Variants in FRMD4A observed in about 807,000 individuals in gnomAD.
The protein encoded by FRMD4A is FERM domain containing 4A, also known as FERM domain-containing protein 4A.
Under a neutral mutation model 129.1 loss-of-function variants are expected in FRMD4A, and 29 were observed. The ratio of observed to expected loss-of-function variants is 0.22; its 90% CI spans 0.17 to 0.31. The LOEUF (loss-of-function observed/expected upper bound fraction) is 0.31. FRMD4A is among the 10% of genes least tolerant of loss of function. FRMD4A has a pLI of 1.00. For synonymous variants in FRMD4A, 634 were observed against 571.6 expected (o/e 1.11, Z -1.56); for missense variants, 1,272 against 1,375.8 (o/e 0.92, Z 1.19).
At chr10:14,139,776 T>A (rs1246661187) in intron 2 of FRMD4A, among the ~76,000 whole-genome samples, 1 of 152,182 alleles carries the variant, frequency 6.6e-6, no homozygotes, top group Non-Finnish European at 1.5e-5. Context: ...AGACATATTG[T>A]TACTCTTGGG....
intron 2 of FRMD4A, among the ~76,000 whole-genome samples, chr10:13,919,966 A>G (rs1289470150): frequency 6.6e-6 from 1 of 152,054 alleles, no homozygotes; most frequent in Non-Finnish European, 1.5e-5. Flanking sequence ...CAAACACACA[A>G]ACAAACTAAC....
intron 2 of FRMD4A, among the ~76,000 whole-genome samples, chr10:14,013,946 C>A (rs977565115): frequency 2.6e-5 from 4 of 152,154 alleles, no homozygotes. Context: ...CAAAAACAAA[C>A]AAACAAAAAA....
At position 13,700,038 on chromosome 10, in the gene FRMD4A, G is replaced by C. The variant is rs544627778; in HGVS notation, c.975+1302C>G. On this transcript the variant is annotated intron_variant, in intron 14 of 24. Transcript: ENST00000357447. ...TTACAAAGGATAAAATGACGGCTGC[G>C]GGGGACAGACCCCAATTTAAAACTG... 3.9e-5 allele frequency among the ~76,000 whole-genome samples: 6 copies of C among 152,198 alleles called. No individual in the cohort carries two copies. In the South Asian group the frequency reaches 1.2e-3, roughly 32 times the overall value.
chr10:13,705,007 G>A (rs1409325), intron 13 of FRMD4A, among the ~76,000 whole-genome samples: 2 of 152,118 alleles, frequency 1.3e-5, no homozygotes, highest in African/African-American at 4.8e-5. Flanking sequence ...CTGGAAGGTG[G>A]AGGCTGCAGT....
At chr10:14,047,326 C>G (rs775975761) in intron 2 of FRMD4A, among the ~76,000 whole-genome samples, 5 of 152,074 alleles carry the variant, frequency 3.3e-5, no homozygotes, top group Non-Finnish European at 5.9e-5. Flanking sequence ...TCGGCTGGTA[C>G]CTCACAGTGA....
At chr10:14,289,647 G>A (rs1388803230) in intron 2 of FRMD4A, among the ~76,000 whole-genome samples, 2 of 152,178 alleles carry the variant, frequency 1.3e-5, no homozygotes, top group East Asian at 1.9e-4. Context: ...TATATGAAAA[G>A]CCCCCAGCTA....
chr10:14,045,699 ATAT>A (rs988192036), intron 2 of FRMD4A, among the ~76,000 whole-genome samples: 5 of 146,518 alleles, frequency 3.4e-5, no homozygotes, highest in South Asian at 4.2e-4. Context: ...TGATATAATT[ATAT>A]TATAATATTT....
intron 2 of FRMD4A, among the ~76,000 whole-genome samples, chr10:14,184,298 A>ATTTTT (rs60196881): frequency 2.9e-5 from 3 of 104,908 alleles, no homozygotes; most frequent in Non-Finnish European, 5.9e-5. Context: ...CAACCGGTTA[A>ATTTTT]TTTTTTTTTT....
chr10:13,720,775 G>A (rs1037171507), intron 12 of FRMD4A, among the ~76,000 whole-genome samples: 1 of 152,160 alleles, frequency 6.6e-6, no homozygotes, highest in Non-Finnish European at 1.5e-5. Context: ...GCTATGTGAG[G>A]GAAAAGGATG....
intron 2 of FRMD4A, among the ~76,000 whole-genome samples, chr10:14,092,900 A>G (rs1254271564): frequency 6.6e-6 from 1 of 152,170 alleles, no homozygotes; most frequent in Non-Finnish European, 1.5e-5. Context: ...GACAGCAGAG[A>G]CCTAGGTATA....
chr10:14,232,533 G>A (rs75738931), intron 2 of FRMD4A, among the ~76,000 whole-genome samples: 10,961 of 152,016 alleles, frequency 0.072, 434 homozygotes, highest in Middle Eastern at 0.11. Flanking sequence ...GTATGGACAG[G>A]TATTGATTCT....
intron 15 of FRMD4A, among the ~76,000 whole-genome samples, chr10:13,680,553 T>C (rs956701184): frequency 2.0e-5 from 3 of 151,090 alleles, no homozygotes; most frequent in African/African-American, 2.4e-5. Flanking sequence ...GGCGAAACCC[T>C]GTCTTCTACT....
chr10:13,701,507 T>C (rs1463912877), intron 13 of FRMD4A, 29 bp from the exon 14 acceptor site: 1 of 1,602,444 alleles, frequency 6.2e-7, no homozygotes, highest in Admixed American at 1.7e-5. Context: ...CAAGGTTCAA[T>C]CCCATTTCTG....
chr10:13,673,408 G>T (rs188872913), intron 16 of FRMD4A, among the ~76,000 whole-genome samples: 1 of 152,270 alleles, frequency 6.6e-6, no homozygotes, highest in African/African-American at 2.4e-5. Flanking sequence ...CTTAGTGTTT[G>T]GGGGAGGGGT....
chr10:13,796,559 C>A lies in FRMD4A; in HGVS notation c.236G>T (p.Arg79Leu). The A allele has an allele frequency of 2.5e-6, 4 of 1,602,470 alleles. No individual in the cohort carries two copies. The highest frequency in any genetic ancestry group is 3.4e-6 in the Non-Finnish European group (4 of 1,169,478). Residue 79 changes from arginine (R) to leucine (L), a missense_variant, in exon 5 of 25, where the codon CGA becomes CTA. Coordinates refer to ENST00000357447, the MANE Select transcript of FRMD4A (RefSeq NM_018027.5). ...AGGGAAGTCATGTTCCAATACTCTT[C>A]GATCTAGCTGAAGCCAGTTTAAGTG... The part of the protein sequence containing the change: ...TGHLNWLQLD[R>L]RVLEHDFPKK...
intron 2 of FRMD4A, among the ~76,000 whole-genome samples, chr10:14,277,273 C>G (rs561933983): frequency 6.6e-6 from 1 of 152,292 alleles, no homozygotes; most frequent in South Asian, 2.1e-4. Flanking sequence ...GAAAGAGGCT[C>G]TGGTCTGAGT....
intron 2 of FRMD4A, among the ~76,000 whole-genome samples, chr10:14,253,926 A>T (rs2132024006): frequency 6.6e-6 from 1 of 151,796 alleles, no homozygotes; most frequent in East Asian, 1.9e-4. Flanking sequence ...TCTCTCTCTC[A>T]CAGGTCCCAG....
intron 11 of FRMD4A, 121 bp from the exon 12 acceptor site, chr10:13,738,051 G>A (rs976352368): frequency 3.0e-6 from 2 of 663,320 alleles, no homozygotes; most frequent in African/African-American, 3.6e-5. Context: ...AATGGATGGA[G>A]CCCACCTGTC....
chr10:14,075,620 A>G (rs1365316213), intron 2 of FRMD4A, among the ~76,000 whole-genome samples: 3 of 152,248 alleles, frequency 2.0e-5, no homozygotes, highest in Non-Finnish European at 4.4e-5. Context: ...CTGGCTGTGC[A>G]TGATGCAAAT....
Sources: gnomAD v4.1 joint callset for allele counts (sites outside exome capture counted in the v4.1 genomes callset) on GRCh38, gnomAD v4.1.1 for gene constraint, MANE v1.5 for transcripts, NCBI Gene and HGNC (gene_info 2026-07-23, HGNC 2026-07-21) for gene names.